DOCK9: variants seen among roughly 807,000 people sequenced by gnomAD.
The protein encoded by DOCK9 is dedicator of cytokinesis protein 9.
In DOCK9, 89 loss-of-function variants were observed where a neutral mutation model predicts 263.3. That is an observed-to-expected ratio of 0.34 (90% CI 0.28 to 0.40). DOCK9 has a LOEUF of 0.40. Ranked by LOEUF, DOCK9 falls within the 10% of genes least tolerant of loss-of-function variation. The probability of loss-of-function intolerance (pLI) is 1.00; values close to 1 mark genes in which losing one functional copy is unlikely to be tolerated. For missense variants in DOCK9, 2,140 were observed against 2,603.4 expected, an observed-to-expected ratio of 0.82 and a Z score of 3.87; for synonymous variants, 976 against 973.1, an observed-to-expected ratio of 1.00 and a Z score of -0.06.
rs749685313 is a variant in DOCK9 at position 98,888,250 on chromosome 13, G to GA, written c.1978-28dup. The GA allele has an allele frequency of 1.5e-5, 24 of 1,603,518 alleles. No homozygotes were observed. In the South Asian group the frequency reaches 2.3e-4, roughly 15 times the overall value. ...TGCAGCAATAAACAAAACAGAATAAGAAAAAACAACAGAAAGTCAGACTAT... is the reference window on the plus strand; with the variant it reads ...TGCAGCAATAAACAAAACAGAATAAGAAAAAAACAACAGAAAGTCAGACTAT... On this transcript the variant is annotated intron_variant, in intron 17 of 52. Transcript: ENST00000682017.
chr13:98,978,604 C>T (rs570579252), upstream of DOCK9, among the ~76,000 whole-genome samples: 207 of 152,220 alleles, frequency 1.4e-3, no homozygotes, highest in Non-Finnish European at 2.3e-3. Flanking sequence ...TCATGGGATA[C>T]CACATATCAT....
intron 1 of DOCK9, among the ~76,000 whole-genome samples, chr13:98,956,270 C>T (rs1286689617): frequency 6.6e-6 from 1 of 152,168 alleles, no homozygotes; most frequent in African/African-American, 2.4e-5. Flanking sequence ...CTAGCTATTT[C>T]CAAAGTTAGC....
At chr13:98,923,398 T>C in intron 4 of DOCK9, 27 bp from the exon 5 acceptor site, 1 of 1,590,246 alleles carries the variant, frequency 6.3e-7, no homozygotes, top group East Asian at 2.2e-5. Context: ...GAAAATTTGT[T>C]TTAGAAATGC....
At chr13:99,086,085 C>T in intron 1 of DOCK9, 1 of 1,280,100 alleles carries the variant, frequency 7.8e-7, no homozygotes, top group Non-Finnish European at 1.0e-6. Flanking sequence ...TCCCGCCGGC[C>T]CCACCTCTTG....
chr13:98,892,965 G>C (rs1322424985), intron 15 of DOCK9, among the ~76,000 whole-genome samples: 3 of 152,204 alleles, frequency 2.0e-5, no homozygotes, highest in Admixed American at 6.5e-5. Context: ...CAGCACAGAA[G>C]TGAGCCACAG....
chr13:98,899,875 C>A lies in DOCK9; in HGVS notation c.1504-1614G>T, dbSNP rs73558806. On this transcript the variant is annotated intron_variant, in intron 13 of 52. Transcript: ENST00000682017. Reference sequence around the variant, plus strand: ...TTATTTTTTCCCTTTGGGCTTTTTTCCCCTTCTTTTTCTTTTTAAAACCTC... The same window carrying A: ...TTATTTTTTCCCTTTGGGCTTTTTTACCCTTCTTTTTCTTTTTAAAACCTC... Among the ~76,000 whole-genome samples the A allele has an allele frequency of 3.8e-3, 577 of 152,152 alleles. 1 individual carries two copies. The highest frequency in any genetic ancestry group is 0.013 in the African/African-American group (536 of 41,494).
chr13:99,018,725 A>G (rs16956240), intron 1 of DOCK9, among the ~76,000 whole-genome samples: 13,151 of 152,278 alleles, frequency 0.086, 666 homozygotes, highest in African/African-American at 0.14. Context: ...GTTGTTCTAA[A>G]TTGAAAATTA....
Position 98,898,250 on chromosome 13 carries a change from C to G in DOCK9, c.1515G>C (p.Lys505Asn). 3.7e-6 allele frequency: 6 copies of G among 1,611,054 alleles called. No homozygotes were observed. Among genetic ancestry groups the G allele is most frequent in the Non-Finnish European group, 5.1e-6 (6 of 1,178,530 alleles). The change falls in exon 14 of 53, where the codon AAG (lysine) becomes AAC (asparagine). Residue 505 changes from lysine to asparagine, a missense_variant. Lys to Asn is a moderately conservative substitution (Grantham distance 94, BLOSUM62 0). Transcript: ENST00000682017. ...ATGCCTGCTTGGCATTCTTCAGCAC[C>G]TTCTGGGCCACCTTGAAGACATGAG... Reference protein sequence around the residue: ...KSSDSSKVAQKVLKNAKQACQ... With the variant: ...KSSDSSKVAQNVLKNAKQACQ...
At chr13:99,066,093 A>T (rs1229664342) in intron 1 of DOCK9, among the ~76,000 whole-genome samples, 1 of 152,214 alleles carries the variant, frequency 6.6e-6, no homozygotes, top group Non-Finnish European at 1.5e-5. Context: ...AGTAAAAAAG[A>T]TAAAACTAAA....
chr13:98,983,905 C>T (rs1372268086), intron 1 of DOCK9, among the ~76,000 whole-genome samples: 1 of 152,158 alleles, frequency 6.6e-6, no homozygotes, highest in African/African-American at 2.4e-5. Flanking sequence ...GTGTGAGCCA[C>T]TGTGCCCGGC....
intron 9 of DOCK9, among the ~76,000 whole-genome samples, chr13:98,911,464 C>T (rs1389284216): frequency 1.3e-5 from 2 of 152,094 alleles, no homozygotes; most frequent in Non-Finnish European, 2.9e-5. Flanking sequence ...AATAAATATA[C>T]ATAATAGCAC....
intron 29 of DOCK9, 142 bp downstream of exon 29, chr13:98,867,786 G>T: frequency 1.3e-6 from 1 of 794,022 alleles, no homozygotes; most frequent in South Asian, 1.9e-5. Context: ...AGGACTTCAG[G>T]TAGCTTATAA....
At chr13:99,004,773 A>G (rs953994437) in intron 1 of DOCK9, among the ~76,000 whole-genome samples, 3 of 129,706 alleles carry the variant, frequency 2.3e-5, no homozygotes, top group African/African-American at 6.0e-5. Context: ...TGCATTGACC[A>G]AAAAACTATA....
At chr13:98,988,454 T>C (rs1284800858) in intron 1 of DOCK9, among the ~76,000 whole-genome samples, 1 of 152,208 alleles carries the variant, frequency 6.6e-6, no homozygotes, top group East Asian at 1.9e-4. Context: ...ACAGGTCTCT[T>C]ATTTTACAAA....
rs185043693 is a variant in DOCK9, at chr13:98,829,061, T to A, written c.4965+246A>T. Among the ~76,000 whole-genome samples, 1 of 152,340 alleles carries A rather than the reference T, an allele frequency of 6.6e-6. No homozygotes were observed. The highest frequency in any genetic ancestry group is 2.4e-5 in the African/African-American group (1 of 41,586). Reference sequence around the variant, plus strand: ...GTATTTTAATTAGCAGGAGACTGTATGAATAGGTTTAAGAGCTTAAACAAT... The same window carrying A: ...GTATTTTAATTAGCAGGAGACTGTAAGAATAGGTTTAAGAGCTTAAACAAT... On this transcript the variant is annotated intron_variant, in intron 43 of 52. Transcript: ENST00000682017. This position sits in a 1 kb window ranked among gnomAD's most constrained non-coding sequence, Gnocchi z 4.1.
At chr13:98,926,104 G>C (rs367790410) in intron 3 of DOCK9, among the ~76,000 whole-genome samples, 185 bp from the exon 4 acceptor site, 2 of 152,186 alleles carry the variant, frequency 1.3e-5, no homozygotes, top group South Asian at 2.1e-4. Context: ...TTGAACCACT[G>C]AAACATTACC....
intron 1 of DOCK9, among the ~76,000 whole-genome samples, chr13:99,069,011 GT>G (rs1291917531): frequency 2.0e-5 from 3 of 152,170 alleles, no homozygotes; most frequent in African/African-American, 7.2e-5. Context: ...TAATAATACA[GT>G]TTGAACCAAA....
chr13:98,977,125 G>A (rs1240304113), intron 1 of DOCK9, among the ~76,000 whole-genome samples: 1 of 152,148 alleles, frequency 6.6e-6, no homozygotes, highest in South Asian at 2.1e-4. Context: ...ACTCACTGAT[G>A]ATAACAACAC....
intron 27 of DOCK9, among the ~76,000 whole-genome samples, chr13:98,876,981 C>G (rs142232798): frequency 2.3e-3 from 358 of 152,360 alleles, no homozygotes; most frequent in Middle Eastern, 0.01. Flanking sequence ...TCTAAAAACT[C>G]TCTGAATATT....
Sources: allele counts gnomAD v4.1 joint callset (sites outside exome capture counted in the v4.1 genomes callset), GRCh38; gene constraint gnomAD v4.1.1; non-coding constraint Gnocchi (gnomAD v3.1); transcripts MANE v1.5; gene names NCBI Gene and HGNC (gene_info 2026-07-23, HGNC 2026-07-21).